CUL2: variants seen among roughly 807,000 people sequenced by gnomAD.
CUL2 encodes cullin 2.
A neutral mutation model predicts 110.2 loss-of-function variants in CUL2; 22 were observed. The ratio of observed to expected loss-of-function variants is 0.20; its 90% CI spans 0.14 to 0.28. The LOEUF is 0.28. Ranked by LOEUF, CUL2 falls within the 10% of genes least tolerant of loss-of-function variation. The pLI, the probability that CUL2 is intolerant of heterozygous loss-of-function variation, is 1.00. For synonymous variants in CUL2, 279 were observed against 293.2 expected, an observed-to-expected ratio of 0.95 and a Z score of 0.49; for missense variants, 631 against 905.5, an observed-to-expected ratio of 0.70 and a Z score of 3.89.
intron 19 of CUL2, among the ~76,000 whole-genome samples, chr10:35,012,764 G>T (rs2084936682): frequency 6.6e-6 from 1 of 152,134 alleles, no homozygotes; most frequent in African/African-American, 2.4e-5. Flanking sequence ...TCTGGAGAGG[G>T]TCTAACATCT....
At chr10:35,024,098 G>C (rs2085275918) in intron 17 of CUL2, among the ~76,000 whole-genome samples, 1 of 152,176 alleles carries the variant, frequency 6.6e-6, no homozygotes, top group Non-Finnish European at 1.5e-5. Flanking sequence ...GCCTCCCCAA[G>C]TGCTGGGGTT....
At chr10:35,033,604 G>A (rs1387040298) in intron 10 of CUL2, among the ~76,000 whole-genome samples, 1 of 151,986 alleles carries the variant, frequency 6.6e-6, no homozygotes, top group East Asian at 1.9e-4. Context: ...AGACGTGGTG[G>A]CGTCCACCTG....
In CUL2 at chr10:35,013,344, C is replaced by CAAAA. The variant is rs71523352; in HGVS notation, c.1989+351_1989+354dup. Among the ~76,000 whole-genome samples, 43 of 83,698 alleles carry CAAAA rather than the reference C, an allele frequency of 5.1e-4. 2 individuals carry two copies. Among genetic ancestry groups the CAAAA allele is most frequent in the South Asian group, 1.5e-3 (4 of 2,752 alleles). 54.9% of individuals were successfully genotyped at this position (83,698 alleles called of 152,430 possible). A position where few individuals can be genotyped will look rare whatever the true frequency, so the allele number is the denominator to read the frequency against. On this transcript the variant is annotated intron_variant, in intron 19 of 20. Coordinates refer to ENST00000374749, the MANE Select transcript of CUL2 (RefSeq NM_003591.4). ...TGGGCGAGAGAGCAAGACTCCGTCT[C>CAAAA]AAAAAAAAAAAAAAAAATGAACTGG...
chr10:35,102,782 C>T (rs1044974674), intron 1 of CUL2, among the ~76,000 whole-genome samples: 1 of 151,106 alleles, frequency 6.6e-6, no homozygotes, highest in Admixed American at 6.6e-5. Flanking sequence ...ACTCGGGAGG[C>T]TGAGGCAGGA....
rs142495023 is a variant in CUL2 at position 35,085,520 on chromosome 10, G to A, written c.-23+4659C>T. 7.1e-3 allele frequency among the ~76,000 whole-genome samples: 1,056 copies of A among 147,948 alleles called. 13 individuals are homozygous for A. The highest frequency in any genetic ancestry group is 8.0e-3 in the Non-Finnish European group (533 of 66,946). ...AGCACTTTGGGACACTGAGGAAGGCGGACCACAAGGTCAGGAGATCAAGAC... is the reference window on the plus strand; with the variant it reads ...AGCACTTTGGGACACTGAGGAAGGCAGACCACAAGGTCAGGAGATCAAGAC... On this transcript the variant is annotated intron_variant, in intron 1 of 20. Coordinates refer to ENST00000374749, the MANE Select transcript of CUL2 (RefSeq NM_003591.4).
chr10:35,067,562 C>T (rs1395123220), intron 2 of CUL2, among the ~76,000 whole-genome samples: 1 of 151,906 alleles, frequency 6.6e-6, no homozygotes, highest in Non-Finnish European at 1.5e-5. Context: ...ACTAGCCTGG[C>T]CAACATGGTG....
At chr10:35,078,177 C>T (rs1386240464) in intron 1 of CUL2, among the ~76,000 whole-genome samples, 1 of 152,150 alleles carries the variant, frequency 6.6e-6, no homozygotes, top group Admixed American at 6.5e-5. Flanking sequence ...TCACAAAACA[C>T]ATGGTACTGT....
intron 1 of CUL2, among the ~76,000 whole-genome samples, chr10:35,113,498 CAAAAAAAAAAAAAAAAAAA>C (rs59518617): frequency 3.0e-5 from 1 of 33,308 alleles, no homozygotes. Flanking sequence ...GACTCTGCCT[CAAAAAAAAAAAAAAAAAAA>C]AAAAAAAAAA....
chr10:35,067,707 G>C lies in CUL2; in HGVS notation c.119+3492C>G, dbSNP rs1270974991. ...TGCAGTGAGCCAAGATCACACCACT[G>C]CACTCCAACCTGGGCAACAGAGTGA... On this transcript the variant is annotated intron_variant, in intron 2 of 20. Transcript: ENST00000374749. Among the ~76,000 whole-genome samples the C allele has an allele frequency of 2.0e-5, 3 of 149,512 alleles. No individual in the cohort carries two copies. The South Asian group carries it at 6.3e-4, about 31-fold the overall frequency.
rs2084862705 is a variant in CUL2, at chr10:35,010,099, A to C, written c.*212T>G. ...AATACTTCACTCATTCTTTTAATAA[A>C]GTTTTAAGAAATGTCATAATGACAT... On this transcript the variant is annotated 3_prime_UTR_variant, in exon 21 of 21. Coordinates refer to ENST00000374749, the MANE Select transcript of CUL2 (RefSeq NM_003591.4). 1 of 316,388 alleles carries C rather than the reference A, an allele frequency of 3.2e-6. No individual in the cohort carries two copies. Among genetic ancestry groups the C allele is most frequent in the African/African-American group, 2.2e-5 (1 of 46,254 alleles). 19.6% of individuals were successfully genotyped at this position (316,388 alleles called of 1,614,324 possible).
At chr10:35,067,727 G>C (rs1252915090) in intron 2 of CUL2, among the ~76,000 whole-genome samples, 1 of 149,296 alleles carries the variant, frequency 6.7e-6, no homozygotes, top group East Asian at 2.0e-4. Flanking sequence ...CTGGGCAACA[G>C]AGTGAGACCC....
chr10:35,109,058 C>T (rs1203532247), intron 1 of CUL2, among the ~76,000 whole-genome samples: 1 of 152,026 alleles, frequency 6.6e-6, no homozygotes, highest in Non-Finnish European at 1.5e-5. Context: ...ACAAAAAATA[C>T]AAAAGTTAGC....
At chr10:35,102,815 G>A (rs7100929) in intron 1 of CUL2, among the ~76,000 whole-genome samples, 3,021 of 150,268 alleles carry the variant, frequency 0.02, 88 homozygotes, top group African/African-American at 0.069. Context: ...CCTGGGGGGC[G>A]GAAGTTGCAA....
intron 1 of CUL2, among the ~76,000 whole-genome samples, chr10:35,073,696 C>T (rs1188720114): frequency 6.6e-6 from 1 of 151,596 alleles, no homozygotes; most frequent in Non-Finnish European, 1.5e-5. Context: ...CCTCTGCTTC[C>T]TGGGTTGAAG....
At chr10:35,122,579 T>A in intron 1 of CUL2, among the ~76,000 whole-genome samples, 1 of 152,260 alleles carries the variant, frequency 6.6e-6, no homozygotes, top group East Asian at 1.9e-4. Flanking sequence ...TTACATGTAT[T>A]AATTTAATTC....
At chr10:35,052,302 T>C (rs1399625040) in intron 5 of CUL2, among the ~76,000 whole-genome samples, 1 of 152,134 alleles carries the variant, frequency 6.6e-6, no homozygotes, top group African/African-American at 2.4e-5. Context: ...CATGAAAAAC[T>C]GGTATTTTAC....
chr10:35,062,703 G>T (rs1469402349), intron 3 of CUL2, among the ~76,000 whole-genome samples: 2 of 151,732 alleles, frequency 1.3e-5, no homozygotes, highest in East Asian at 3.9e-4. Context: ...CAGGTGTGGT[G>T]GTGTGTGTCT....
chr10:35,116,112 G>A (rs1261090258), intron 1 of CUL2, among the ~76,000 whole-genome samples: 2 of 152,158 alleles, frequency 1.3e-5, no homozygotes, highest in Non-Finnish European at 2.9e-5. Context: ...GGAGGCCGAG[G>A]TGGGCAGATA....
At position 35,060,887 on chromosome 10, in the gene CUL2, C is replaced by G; in HGVS notation, c.304G>C (p.Asp102His). 6.2e-7 allele frequency: 1 copy of G among 1,613,434 alleles called. No homozygotes were observed. Among genetic ancestry groups the G allele is most frequent in the Non-Finnish European group, 8.5e-7 (1 of 1,179,662 alleles). Residue 102 changes from aspartate (D) to histidine (H), a missense_variant, in exon 4 of 21, where the codon GAC (aspartate) becomes CAC (histidine). Physicochemically the swap from Asp to His is moderately conservative, Grantham distance 81. Coordinates refer to ENST00000374749, the MANE Select transcript of CUL2 (RefSeq NM_003591.4). ...AGGCACACTCACCTATATAAGCAGT[C>G]CATATAGTCTGCACCCTTGCTGTAT... is the stretch of plus-strand genomic sequence containing the variant. ...EEYSKGADYMDCLYRYLNTQF... is the reference protein window; with the variant it reads ...EEYSKGADYMHCLYRYLNTQF...
Sources: allele counts gnomAD v4.1 joint callset (sites outside exome capture counted in the v4.1 genomes callset), GRCh38; gene constraint gnomAD v4.1.1; transcripts MANE v1.5; gene names NCBI Gene and HGNC (gene_info 2026-07-23, HGNC 2026-07-21).